The following MED27 variants were observed in gnomAD, a reference collection of about 807,000 sequenced individuals.
MED27 encodes mediator of RNA polymerase II transcription subunit 27.
MED27 carries 30 observed loss-of-function variants against 38.2 expected under a neutral mutation model. The observed-to-expected ratio is 0.79, with a 90% confidence interval of 0.59 to 1.07. The LOEUF is 1.07. MED27 is among the 50% of genes least tolerant of loss of function. MED27 has a pLI of 0.00. For synonymous variants in MED27, 122 were observed against 153.5 expected, an observed-to-expected ratio of 0.79 and a Z score of 1.52; for missense variants, 289 against 397.5, an observed-to-expected ratio of 0.73 and a Z score of 2.32.
chr9:132,072,417 T>C (rs1833960734), intron 2 of MED27, among the ~76,000 whole-genome samples: 1 of 152,154 alleles, frequency 6.6e-6, no homozygotes, highest in Non-Finnish European at 1.5e-5. Flanking sequence ...CTCCAGAACT[T>C]ACATCTAAGT....
chr9:131,938,874 C>G (rs966268191), intron 4 of MED27, among the ~76,000 whole-genome samples: 4 of 151,996 alleles, frequency 2.6e-5, no homozygotes, highest in South Asian at 2.1e-4. Flanking sequence ...CCACCACACC[C>G]GGCTAATATT....
At chr9:131,958,302 T>C (rs1831146188) in intron 3 of MED27, among the ~76,000 whole-genome samples, 1 of 150,768 alleles carries the variant, frequency 6.6e-6, no homozygotes, top group Non-Finnish European at 1.5e-5. Context: ...TGGAGTGCAA[T>C]GGCGCGATCT....
chr9:131,873,770 C>G lies in MED27; in HGVS notation c.723+10288G>C, dbSNP rs1038540102. ...ATCTTGTCCGAAATCCCTGCTGACA[C>G]TTTAGAGATCAAGCTCTGTGTCTGA... On this transcript the variant is annotated intron_variant, in intron 6 of 7. Coordinates refer to ENST00000292035, the MANE Select transcript of MED27 (RefSeq NM_004269.4). Among the ~76,000 whole-genome samples, 11 of 152,344 alleles carry G rather than the reference C, an allele frequency of 7.2e-5. No individual in the cohort carries two copies. The South Asian group carries it at 1.9e-3, about 26-fold the overall frequency.
chr9:131,893,122 T>C (rs944751373), intron 5 of MED27, among the ~76,000 whole-genome samples: 6 of 152,192 alleles, frequency 3.9e-5, no homozygotes, highest in Admixed American at 3.9e-4. Flanking sequence ...CTAGTATTCA[T>C]ACTAACAAAC....
intron 2 of MED27, among the ~76,000 whole-genome samples, chr9:132,054,069 C>T (rs979950697): frequency 6.6e-6 from 1 of 151,818 alleles, no homozygotes; most frequent in African/African-American, 2.4e-5. Context: ...GCAACAACAA[C>T]AAAAACTCAA....
At chr9:132,017,489 C>T (rs1323017993) in intron 2 of MED27, among the ~76,000 whole-genome samples, 3 of 152,134 alleles carry the variant, frequency 2.0e-5, no homozygotes, top group Non-Finnish European at 2.9e-5. Flanking sequence ...TATCAAAGTT[C>T]TATTGTGATT....
chr9:132,023,902 T>C (rs1200170696), intron 2 of MED27, among the ~76,000 whole-genome samples: 1 of 152,206 alleles, frequency 6.6e-6, no homozygotes, highest in African/African-American at 2.4e-5. Flanking sequence ...AGAAGGAATT[T>C]TTTTTTATTG....
intron 3 of MED27, among the ~76,000 whole-genome samples, chr9:131,971,366 G>A (rs1220630854): frequency 6.6e-6 from 1 of 152,230 alleles, no homozygotes; most frequent in Admixed American, 6.5e-5. Flanking sequence ...GACAGGGGGA[G>A]AGAGAGGGAG....
At chr9:132,050,995 A>C (rs898676685) in intron 2 of MED27, among the ~76,000 whole-genome samples, 12 of 152,176 alleles carry the variant, frequency 7.9e-5, no homozygotes, top group African/African-American at 2.4e-4. Context: ...TCCAATCATC[A>C]CTTGTCCAGG....
chr9:131,981,872 C>T (rs1223349355), intron 3 of MED27, among the ~76,000 whole-genome samples: 7 of 152,188 alleles, frequency 4.6e-5, no homozygotes, highest in African/African-American at 1.7e-4. Flanking sequence ...CATTTTCTTC[C>T]TACTTTATTT....
At chr9:131,928,028 A>AC (rs1246971628) in intron 4 of MED27, among the ~76,000 whole-genome samples, 2 of 151,964 alleles carry the variant, frequency 1.3e-5, no homozygotes, top group Non-Finnish European at 2.9e-5. Context: ...TGCACAAACA[A>AC]CCCCCAAGCC....
rs1047497581 is a variant in MED27 at position 132,003,910 on chromosome 9, G to A, written c.479+10427C>T. 2.0e-5 allele frequency among the ~76,000 whole-genome samples: 3 copies of A among 151,986 alleles called. No individual in the cohort carries two copies. Among genetic ancestry groups the A allele is most frequent in the Non-Finnish European group, 2.9e-5 (2 of 68,034 alleles). On this transcript the variant is annotated intron_variant, in intron 3 of 7. Transcript: ENST00000292035. The surrounding 1 kb of genome is among the most constrained non-coding windows in gnomAD (Gnocchi z 4.2). ...GTACTTTCTGCACCTTTAGATTCCC[G>A]GTGTGGTCAAACATACATCTGGCCT... is the stretch of plus-strand genomic sequence containing the variant.
At chr9:132,053,520 A>C (rs879529391) in intron 2 of MED27, among the ~76,000 whole-genome samples, 1 of 152,214 alleles carries the variant, frequency 6.6e-6, no homozygotes, top group East Asian at 1.9e-4. Context: ...TGAATAACTT[A>C]TAGACATTAC....
At chr9:132,052,173 C>A (rs1367295156) in intron 2 of MED27, among the ~76,000 whole-genome samples, 2 of 152,166 alleles carry the variant, frequency 1.3e-5, no homozygotes, top group East Asian at 3.9e-4. Context: ...CTGGCTCTGA[C>A]AAGGTCGCCT....
At chr9:131,907,343 G>C (rs922926571) in intron 4 of MED27, among the ~76,000 whole-genome samples, 1 of 152,028 alleles carries the variant, frequency 6.6e-6, no homozygotes, top group Non-Finnish European at 1.5e-5. Context: ...CTCAGCCTGC[G>C]AGTGCCTGCG....
intron 2 of MED27, among the ~76,000 whole-genome samples, chr9:132,048,121 T>C (rs1833381316): frequency 6.6e-6 from 1 of 152,218 alleles, no homozygotes; most frequent in Non-Finnish European, 1.5e-5. Flanking sequence ...TTTTTCAGGC[T>C]GGGATAATGA....
chr9:132,074,278 T>G (rs1215741223), intron 2 of MED27, among the ~76,000 whole-genome samples: 1 of 151,998 alleles, frequency 6.6e-6, no homozygotes, highest in Non-Finnish European at 1.5e-5. Context: ...TTCTAACAAT[T>G]ATGCCAAGTA....
chr9:131,869,345 TG>T, intron 6 of MED27: 1 of 985,188 alleles, frequency 1.0e-6, no homozygotes, highest in Non-Finnish European at 1.2e-6. Context: ...ACAACAAAGT[TG>T]TTTTTTTGCT....
intron 2 of MED27, among the ~76,000 whole-genome samples, chr9:132,047,079 C>T (rs186384780): frequency 2.4e-3 from 360 of 152,158 alleles, no homozygotes; most frequent in African/African-American, 8.2e-3. Flanking sequence ...TATACACATG[C>T]AATCTTAAAG....
Sources: allele counts gnomAD v4.1 joint callset (sites outside exome capture counted in the v4.1 genomes callset), GRCh38; gene constraint gnomAD v4.1.1; non-coding constraint Gnocchi (gnomAD v3.1); transcripts MANE v1.5; gene names NCBI Gene and HGNC (gene_info 2026-07-23, HGNC 2026-07-21).